The following TOP1 variants were observed in gnomAD, a reference collection of about 807,000 sequenced individuals.
TOP1 encodes DNA topoisomerase I, also known as DNA topoisomerase 1.
Under a neutral mutation model 111.1 loss-of-function variants are expected in TOP1, and 10 were observed. The observed-to-expected ratio is 0.09, with a 90% CI of 0.06 to 0.15. TOP1 has a LOEUF of 0.15. Among genes scored for constraint, TOP1 ranks in the 10% least tolerant of loss-of-function variants. The pLI, the probability that TOP1 is intolerant of heterozygous loss-of-function variation, is 1.00. For synonymous variants in TOP1, 271 were observed against 302.9 expected (o/e 0.89, Z 1.10); for missense variants, 474 against 926.7 (o/e 0.51, Z 6.34).
rs746033988 is a variant in TOP1 at position 41,029,427 on chromosome 20, C to T, written c.34-4C>T. ...TTTGATATTCTCTCCTTTTCTTTTT[C>T]CAGATCGAAGCGGATTTCCGATTGA... On this transcript the variant is annotated splice_polypyrimidine_tract_variant and splice_region_variant and intron_variant, in intron 1 of 20. Coordinates refer to ENST00000361337, the MANE Select transcript of TOP1 (RefSeq NM_003286.4). The surrounding 1 kb of genome is among the most constrained non-coding windows in gnomAD (Gnocchi z 6.1). 7.4e-6 allele frequency: 11 copies of T among 1,486,372 alleles called. No individual in the cohort carries two copies. The highest frequency in any genetic ancestry group is 9.9e-6 in the Non-Finnish European group (11 of 1,116,616). 92.1% of individuals were successfully genotyped at this position (1,486,372 alleles called of 1,614,324 possible). A position where few individuals can be genotyped will look rare whatever the true frequency, so the allele number is the denominator to read the frequency against.
Position 41,098,121 on chromosome 20 carries a change from A to G in TOP1, c.853-94A>G. ...CTACTTCCAGAAACCTTTGACTGAA[A>G]AAATGGTGCTTGGGTGTATTTGCAA... On this transcript the variant is annotated intron_variant, in intron 10 of 20. Coordinates refer to ENST00000361337, the MANE Select transcript of TOP1 (RefSeq NM_003286.4). The surrounding 1 kb of genome is among the most constrained non-coding windows in gnomAD (Gnocchi z 5.7). 7.4e-7 allele frequency: 1 copy of G among 1,355,440 alleles called. No individual in the cohort carries two copies. The highest frequency in any genetic ancestry group is 1.0e-6 in the Non-Finnish European group (1 of 963,984). The allele number at this position is 1,355,440 out of a possible 1,614,324, so 84.0% of individuals were successfully genotyped here.
intron 14 of TOP1, among the ~76,000 whole-genome samples, chr20:41,113,249 GA>G: frequency 6.6e-6 from 1 of 151,882 alleles, no homozygotes; most frequent in East Asian, 1.9e-4. Context: ...CTCACGAGAA[GA>G]AAAAAAAGTT....
Position 41,116,226 on chromosome 20 carries a change from A to G in TOP1, c.1708-52A>G. ...CATAAATTACTCCTAGGGCTGCCAG[A>G]AGGAGCAGGTAGTATAGCTTTGACC... On this transcript the variant is annotated intron_variant, in intron 16 of 20. Coordinates refer to ENST00000361337, the MANE Select transcript of TOP1 (RefSeq NM_003286.4). This position sits in a 1 kb window ranked among gnomAD's most constrained non-coding sequence, Gnocchi z 5.6. The G allele has an allele frequency of 8.2e-7, 1 of 1,216,456 alleles. No homozygotes were observed. The highest frequency in any genetic ancestry group is 1.2e-5 in the South Asian group (1 of 81,360). 75.4% of individuals were successfully genotyped at this position (1,216,456 alleles called of 1,614,324 possible). A position where few individuals can be genotyped will look rare whatever the true frequency, so the allele number is the denominator to read the frequency against.
At chr20:41,064,594 G>A (rs1460589618) in intron 3 of TOP1, among the ~76,000 whole-genome samples, 1 of 151,820 alleles carries the variant, frequency 6.6e-6, no homozygotes, top group Non-Finnish European at 1.5e-5. Flanking sequence ...AACATAGCAT[G>A]TTTTCTGATG....
chr20:41,106,846 A>G lies in TOP1; in HGVS notation c.1308+5493A>G, dbSNP rs1327353460. 6.6e-6 allele frequency among the ~76,000 whole-genome samples: 1 copy of G among 152,192 alleles called. No individual in the cohort carries two copies. The highest frequency in any genetic ancestry group is 1.5e-5 in the Non-Finnish European group (1 of 68,028). Reference sequence around the variant, plus strand: ...TTCTATGTAGATAATTTAATTATCTATAAAAACAGTTCTTCATTTTCAGTT... The same window carrying G: ...TTCTATGTAGATAATTTAATTATCTGTAAAAACAGTTCTTCATTTTCAGTT... On this transcript the variant is annotated intron_variant, in intron 13 of 20. Transcript: ENST00000361337. This position sits in a 1 kb window ranked among gnomAD's most constrained non-coding sequence, Gnocchi z 4.3.
rs1378716862 is a variant in TOP1, at chr20:41,082,835, G to T, written c.507+1595G>T. 6.5e-4 allele frequency among the ~76,000 whole-genome samples: 2 copies of T among 3,098 alleles called. No individual in the cohort carries two copies. Among genetic ancestry groups the T allele is most frequent in the African/African-American group, 2.5e-3 (2 of 796 alleles). The allele number at this position is 3,098 out of a possible 152,430, so 2.0% of individuals were successfully genotyped here. On this transcript the variant is annotated intron_variant, in intron 7 of 20. Coordinates refer to ENST00000361337, the MANE Select transcript of TOP1 (RefSeq NM_003286.4). The surrounding 1 kb of genome is among the most constrained non-coding windows in gnomAD (Gnocchi z 4.1). The stretch of plus-strand genomic sequence containing the variant: ...GGAATATAAAACTTGAGTTCTCCAA[G>T]TGTTTTTTTTTTATGTTTATATTGC...
rs377510377 is a variant in TOP1, at chr20:41,097,385, A to T, written c.852+44A>T. On this transcript the variant is annotated intron_variant, in intron 10 of 20. Coordinates refer to ENST00000361337, the MANE Select transcript of TOP1 (RefSeq NM_003286.4). This position sits in a 1 kb window ranked among gnomAD's most constrained non-coding sequence, Gnocchi z 4.2. ...TAATATCCTAGTACCTTGCAAAACA[A>T]TCAAGTACTAAGTAATAAATTATCA... 449 of 1,537,866 alleles carry T rather than the reference A, an allele frequency of 2.9e-4. No individual in the cohort carries two copies. The highest frequency in any genetic ancestry group is 7.1e-4 in the Middle Eastern group (4 of 5,664).
intron 8 of TOP1, among the ~76,000 whole-genome samples, chr20:41,089,159 G>T (rs1180876277): frequency 6.6e-6 from 1 of 151,414 alleles, no homozygotes; most frequent in African/African-American, 2.4e-5. Flanking sequence ...CAAGTAGCTG[G>T]GATTACAGGC....
chr20:41,108,231 C>T (rs772435828), intron 13 of TOP1, among the ~76,000 whole-genome samples: 1 of 152,168 alleles, frequency 6.6e-6, no homozygotes, highest in Non-Finnish European at 1.5e-5. Flanking sequence ...TCTTTGTTTA[C>T]TCTTGTGTCT....
chr20:41,039,268 T>G (rs1391940762), intron 2 of TOP1, among the ~76,000 whole-genome samples: 3 of 152,186 alleles, frequency 2.0e-5, no homozygotes, highest in Admixed American at 6.5e-5. Flanking sequence ...CTGTTGAGAT[T>G]TTTCATTAGG....
At position 41,124,210 on chromosome 20, in the gene TOP1, A is replaced by G. The variant is rs1259200600; in HGVS notation, c.*913A>G. On this transcript the variant is annotated 3_prime_UTR_variant, in exon 21 of 21. Coordinates refer to ENST00000361337, the MANE Select transcript of TOP1 (RefSeq NM_003286.4). This position sits in a 1 kb window ranked among gnomAD's most constrained non-coding sequence, Gnocchi z 5.4. Reference sequence around the variant, plus strand: ...CACAGGTCAATAAACTTAGAGGAAAATGAGTATTTGGTCCAAAAAAAGGAA... The same window carrying G: ...CACAGGTCAATAAACTTAGAGGAAAGTGAGTATTTGGTCCAAAAAAAGGAA... The G allele has an allele frequency of 4.3e-6, 1 of 232,936 alleles. No individual in the cohort carries two copies. Among genetic ancestry groups the G allele is most frequent in the Non-Finnish European group, 8.5e-6 (1 of 117,658 alleles). 14.4% of individuals were successfully genotyped at this position (232,936 alleles called of 1,614,324 possible). A position where few individuals can be genotyped will look rare whatever the true frequency, so the allele number is the denominator to read the frequency against.
At chr20:41,075,505 C>A (rs1432099470) in intron 3 of TOP1, among the ~76,000 whole-genome samples, 1 of 152,186 alleles carries the variant, frequency 6.6e-6, no homozygotes, top group Non-Finnish European at 1.5e-5. Context: ...TGTTATTTCC[C>A]TAAGATAAAT....
intron 8 of TOP1, among the ~76,000 whole-genome samples, chr20:41,088,561 C>T (rs2033875836): frequency 1.3e-5 from 2 of 151,904 alleles, no homozygotes; most frequent in Non-Finnish European, 2.9e-5. Flanking sequence ...TGCCAAAGTC[C>T]CAGGATAAGG....
chr20:41,092,524 A>G lies in TOP1; in HGVS notation c.667A>G (p.Lys223Glu), dbSNP rs2033932175. 1 of 1,607,580 alleles carries G rather than the reference A, an allele frequency of 6.2e-7. No individual in the cohort carries two copies. The highest frequency in any genetic ancestry group is 1.3e-5 in the African/African-American group (1 of 74,520). The change falls in exon 9 of 21, where the codon AAA (lysine) becomes GAA (glutamate). Residue 223 changes from lysine (K) to glutamate (E), a missense_variant. Physicochemically the swap from Lys to Glu is moderately conservative, Grantham distance 56. Transcript: ENST00000361337. This position sits in a 1 kb window ranked among gnomAD's most constrained non-coding sequence, Gnocchi z 4.3. ...EGIKWKFLEH[K>E]GPVFAPPYEP... ...CATCAAGTGGAAATTCCTAGAACAT[A>G]AAGGTCCAGTATTTGCCCCACCATA...
At position 41,056,284 on chromosome 20, in the gene TOP1, TA is replaced by T. The variant is rs377747341; in HGVS notation, c.59-5109del. On this transcript the variant is annotated intron_variant, in intron 2 of 20. Transcript: ENST00000361337. Reference sequence around the variant, plus strand: ...GCGTTCAGAAGGCATCCCATTCTTTTAGTGGTTAGTTCTTTTGTACTGACCT... The same window carrying T: ...GCGTTCAGAAGGCATCCCATTCTTTTGTGGTTAGTTCTTTTGTACTGACCT... Among the ~76,000 whole-genome samples the T allele has an allele frequency of 3.4e-3, 524 of 152,344 alleles. 6 individuals carry two copies. Among genetic ancestry groups the T allele is most frequent in the African/African-American group, 0.012 (496 of 41,560 alleles).
intron 2 of TOP1, among the ~76,000 whole-genome samples, chr20:41,041,661 T>G (rs1248011847): frequency 6.6e-6 from 1 of 152,048 alleles, no homozygotes; most frequent in Non-Finnish European, 1.5e-5. Context: ...AAATACATAT[T>G]CCTACTCGTA....
intron 8 of TOP1, among the ~76,000 whole-genome samples, chr20:41,088,975 A>G (rs1568692330): frequency 1.4e-5 from 2 of 147,086 alleles, no homozygotes; most frequent in African/African-American, 5.1e-5. Context: ...CAAAACTGAA[A>G]CTCTGTAGTT....
intron 3 of TOP1, 69 bp from the exon 4 acceptor site, chr20:41,076,102 G>T (rs1332446990): frequency 1.3e-5 from 20 of 1,529,546 alleles, no homozygotes; most frequent in Non-Finnish European, 1.5e-5. Context: ...GTTATCTTAG[G>T]ATATCTTGTG....
At chr20:41,087,728 T>C (rs1033363172) in intron 8 of TOP1, among the ~76,000 whole-genome samples, 1 of 152,238 alleles carries the variant, frequency 6.6e-6, no homozygotes, top group Non-Finnish European at 1.5e-5. Context: ...ATATGAGTTT[T>C]ATAGCATACT....
Sources: allele counts gnomAD v4.1 joint callset (sites outside exome capture counted in the v4.1 genomes callset), GRCh38; gene constraint gnomAD v4.1.1; non-coding constraint Gnocchi (gnomAD v3.1); transcripts MANE v1.5; gene names NCBI Gene and HGNC (gene_info 2026-07-23, HGNC 2026-07-21).